Variants in LRBA observed in about 807,000 individuals in gnomAD.
LRBA encodes LPS responsive beige-like anchor protein.
LRBA carries 176 observed loss-of-function variants against 330.0 expected under a neutral mutation model. The ratio of observed to expected loss-of-function variants is 0.53; its 90% CI spans 0.47 to 0.60. The LOEUF (loss-of-function observed/expected upper bound fraction) is 0.60, where lower values mean the gene tolerates loss of function less well. Among genes scored for constraint, LRBA ranks in the 20% least tolerant of loss-of-function variants. LRBA has a pLI of 0.00. For synonymous variants in LRBA, 1,230 were observed against 1,193.0 expected (o/e 1.03, Z -0.64); for missense variants, 3,259 against 3,444.8 (o/e 0.95, Z 1.35).
intron 47 of LRBA, among the ~76,000 whole-genome samples, chr4:150,383,265 T>C (rs563075731): frequency 2.6e-5 from 4 of 152,218 alleles, no homozygotes; most frequent in African/African-American, 9.6e-5. Flanking sequence ...CTTTTCTTTT[T>C]TGAGACAGTC....
Position 150,612,853 on chromosome 4 carries a change from T to C in LRBA, c.5922-13722A>G, listed in dbSNP as rs72736346. Among the ~76,000 whole-genome samples, 248 of 152,246 alleles carry C rather than the reference T, an allele frequency of 1.6e-3. 1 individual carries two copies. The highest frequency in any genetic ancestry group is 3.7e-3 in the Admixed American group (56 of 15,284). ...TAAGAAAAGTAAAAACCCAGAGTGA[T>C]AGAAAGGCAAAGAGTAATCACATTT... is the stretch of plus-strand genomic sequence containing the variant. On this transcript the variant is annotated intron_variant, in intron 37 of 56. Transcript: ENST00000651943.
At chr4:150,762,607 C>T (rs1169387036) in intron 34 of LRBA, among the ~76,000 whole-genome samples, 1 of 151,624 alleles carries the variant, frequency 6.6e-6, no homozygotes, top group African/African-American at 2.4e-5. Flanking sequence ...GAAAAATGCT[C>T]GTGAATGCCA....
At chr4:150,519,766 A>G (rs1022140810) in intron 40 of LRBA, among the ~76,000 whole-genome samples, 1 of 152,158 alleles carries the variant, frequency 6.6e-6, no homozygotes, top group Non-Finnish European at 1.5e-5. Context: ...GTTTTGAGAA[A>G]CTGCCAGAAC....
intron 16 of LRBA, among the ~76,000 whole-genome samples, 156 bp downstream of exon 16, chr4:150,896,238 T>G (rs1730066573): frequency 6.6e-6 from 1 of 152,154 alleles, no homozygotes; most frequent in African/African-American, 2.4e-5. Context: ...TAAAGGATAT[T>G]TAAATAAAGA....
chr4:150,310,525 A>G, intron 51 of LRBA, 141 bp from the exon 52 acceptor site: 1 of 529,622 alleles, frequency 1.9e-6, no homozygotes. Flanking sequence ...ACCGAGTAGG[A>G]AAACATATCC....
chr4:150,485,015 C>T (rs1490146792), intron 42 of LRBA, among the ~76,000 whole-genome samples: 1 of 151,902 alleles, frequency 6.6e-6, no homozygotes, highest in African/African-American at 2.4e-5. Flanking sequence ...CTCAATCTTT[C>T]TAAACATTTT....
intron 44 of LRBA, 34 bp from the exon 45 acceptor site, chr4:150,436,898 T>C: frequency 6.3e-7 from 1 of 1,593,928 alleles, no homozygotes. Context: ...AAAGAATACA[T>C]CAATGTAATC....
intron 2 of LRBA, among the ~76,000 whole-genome samples, chr4:151,009,168 C>T (rs1237972693): frequency 6.7e-6 from 1 of 149,396 alleles, no homozygotes; most frequent in African/African-American, 2.5e-5. Context: ...CTGTGCCCAG[C>T]TCAAATTTTC....
At chr4:151,003,885 CTGTGTGTGTGTG>C (rs56025404) in intron 2 of LRBA, among the ~76,000 whole-genome samples, 1,856 of 134,186 alleles carry the variant, frequency 0.014, 27 homozygotes, top group African/African-American at 0.034. Context: ...TAGCCAACTG[CTGTGTGTGTGTG>C]TGTGTGTGTG....
Position 150,597,675 on chromosome 4 carries a change from T to C in LRBA, c.6046+1332A>G, listed in dbSNP as rs138712280. Among the ~76,000 whole-genome samples, 503 of 151,770 alleles carry C rather than the reference T, an allele frequency of 3.3e-3. 1 individual carries two copies. The highest frequency in any genetic ancestry group is 0.017 in the Middle Eastern group (5 of 292). Reference sequence around the variant, plus strand: ...TTGCAAAAAAAGTTCACCTTCTCCATGTAAGCATCATTAACCAAAACAAAC... The same window carrying C: ...TTGCAAAAAAAGTTCACCTTCTCCACGTAAGCATCATTAACCAAAACAAAC... On this transcript the variant is annotated intron_variant, in intron 38 of 56. Coordinates refer to ENST00000651943, the MANE Select transcript of LRBA (RefSeq NM_001364905.1).
intron 47 of LRBA, among the ~76,000 whole-genome samples, chr4:150,378,267 A>C (rs1228912018): frequency 1.3e-5 from 2 of 152,128 alleles, no homozygotes; most frequent in Non-Finnish European, 2.9e-5. Context: ...AAATGTTAAG[A>C]ATTTTTTTTC....
chr4:150,646,832 C>T (rs781117781), intron 37 of LRBA, among the ~76,000 whole-genome samples: 6 of 151,972 alleles, frequency 3.9e-5, no homozygotes, highest in Non-Finnish European at 5.9e-5. Flanking sequence ...AAAAGAAATG[C>T]TCATTGGAGC....
intron 40 of LRBA, among the ~76,000 whole-genome samples, chr4:150,520,506 AT>A (rs1435120798): frequency 6.6e-6 from 1 of 152,104 alleles, no homozygotes; most frequent in East Asian, 1.9e-4. Context: ...TTAAATTCAT[AT>A]TTTTGAATTG....
intron 20 of LRBA, among the ~76,000 whole-genome samples, chr4:150,868,735 C>T (rs1489450499): frequency 6.6e-6 from 1 of 151,992 alleles, no homozygotes; most frequent in Non-Finnish European, 1.5e-5. Context: ...GTCAGGAGTT[C>T]GAGAGCGGCC....
At chr4:150,606,774 T>G (rs1031086740) in intron 37 of LRBA, among the ~76,000 whole-genome samples, 1 of 152,232 alleles carries the variant, frequency 6.6e-6, no homozygotes, top group Non-Finnish European at 1.5e-5. Context: ...GTTACTATTA[T>G]AGCTATGATC....
At chr4:150,430,489 G>C (rs1244575365) in intron 46 of LRBA, among the ~76,000 whole-genome samples, 1 of 152,082 alleles carries the variant, frequency 6.6e-6, no homozygotes, top group Non-Finnish European at 1.5e-5. Context: ...ATGAGCCCAA[G>C]GGGCATGAGC....
chr4:150,966,991 C>T (rs539773936), intron 2 of LRBA, among the ~76,000 whole-genome samples: 1 of 152,354 alleles, frequency 6.6e-6, no homozygotes, highest in South Asian at 2.1e-4. Context: ...TAAGCCTTCA[C>T]TATCTCTTAT....
At chr4:150,386,573 C>G (rs1743096995) in intron 47 of LRBA, among the ~76,000 whole-genome samples, 1 of 152,062 alleles carries the variant, frequency 6.6e-6, no homozygotes, top group Admixed American at 6.6e-5. Flanking sequence ...CAGCTCCACC[C>G]ATGTCCCTGC....
chr4:150,581,500 T>G (rs1462792771), intron 40 of LRBA: 1 of 286,138 alleles, frequency 3.5e-6, no homozygotes, highest in Non-Finnish European at 7.0e-6. Context: ...AAAGTAATTT[T>G]GTTACAGTTT....
Sources: allele counts gnomAD v4.1 joint callset (sites outside exome capture counted in the v4.1 genomes callset), GRCh38; gene constraint gnomAD v4.1.1; transcripts MANE v1.5; gene names NCBI Gene and HGNC (gene_info 2026-07-23, HGNC 2026-07-21).